The following ZNF69 variants were observed in gnomAD, a reference collection of about 807,000 sequenced individuals.
The protein encoded by ZNF69 is zinc finger protein 69, also known as ZNF3.
In ZNF69, 47 loss-of-function variants were observed where a neutral mutation model predicts 50.9. The ratio of observed to expected loss-of-function variants is 0.92; its 90% CI spans 0.73 to 1.18. ZNF69 has a LOEUF of 1.18. ZNF69 is among the 50% of genes most tolerant of loss of function. The pLI is 0.00. For synonymous variants in ZNF69, 216 were observed against 223.1 expected, an observed-to-expected ratio of 0.97 and a Z score of 0.29; for missense variants, 717 against 675.1, an observed-to-expected ratio of 1.06 and a Z score of -0.69.
At chr19:11,978,435 C>A in the ZNF69 span, 2 of 1,614,160 alleles carry the variant, frequency 1.2e-6, no homozygotes. Flanking sequence ...CGGAGAGAAA[C>A]CCTATGCTTG....
rs192197776 is a variant in ZNF69, at chr19:11,888,558, G to C, written c.63+572G>C. ...GGGAAAAACAACCCCAAGAAGCCTG[G>C]AGTAAGTGGTCCCGAGGCGGCTCAA... is the stretch of plus-strand genomic sequence containing the variant. On this transcript the variant is annotated intron_variant, in intron 1 of 3. Coordinates refer to ENST00000429654, the MANE Select transcript of ZNF69 (RefSeq NM_001364730.1). Among the ~76,000 whole-genome samples, 2 of 152,314 alleles carry C rather than the reference G, an allele frequency of 1.3e-5. 1 individual carries two copies. The highest frequency in any genetic ancestry group is 1.3e-4 in the Admixed American group (2 of 15,294).
the ZNF69 span, among the ~76,000 whole-genome samples, chr19:11,964,662 C>T: frequency 6.6e-6 from 1 of 152,142 alleles, no homozygotes; most frequent in South Asian, 2.1e-4. Flanking sequence ...GGCCTGGTCT[C>T]GGTTCCCCTG....
At chr19:11,919,647 C>T in the ZNF69 span, among the ~76,000 whole-genome samples, 9 of 152,192 alleles carry the variant, frequency 5.9e-5, no homozygotes, top group South Asian at 1.7e-3. Flanking sequence ...TATTTGGACA[C>T]GAACCCTTTA....
chr19:11,941,682 A>T, the ZNF69 span, among the ~76,000 whole-genome samples: 1 of 151,052 alleles, frequency 6.6e-6, no homozygotes, highest in African/African-American at 2.4e-5. Flanking sequence ...CTCTCCCTCC[A>T]CCCCTCCCTG....
At chr19:11,940,990 G>C in the ZNF69 span, among the ~76,000 whole-genome samples, 4 of 151,942 alleles carry the variant, frequency 2.6e-5, no homozygotes, top group African/African-American at 9.7e-5. Context: ...GATACAGAGT[G>C]CCGATTGGTG....
the ZNF69 span, among the ~76,000 whole-genome samples, chr19:11,962,926 C>T: frequency 9.0e-4 from 137 of 152,242 alleles, 1 homozygote; most frequent in East Asian, 0.023. Context: ...TTTCCATTGA[C>T]TGCAAGGAGG....
intron 1 of ZNF69, among the ~76,000 whole-genome samples, chr19:11,898,524 G>T (rs1972176910): frequency 6.6e-6 from 1 of 151,666 alleles, no homozygotes; most frequent in Admixed American, 6.6e-5. Flanking sequence ...CGGAGTAGCT[G>T]GGAATACAGG....
chr19:11,905,313 T>G lies in ZNF69; in HGVS notation c.916T>G (p.Cys306Gly), dbSNP rs771910127. Residue 306 changes from cysteine (C) to glycine (G), a missense_variant, in exon 4 of 4, where the codon TGT becomes GGT. Cys to Gly is a radical substitution (Grantham distance 159). Coordinates refer to ENST00000429654, the MANE Select transcript of ZNF69 (RefSeq NM_001364730.1). ...TCACACGGGAGAGAAGGCTTATCAATGTAAGGAATGTGGAAAAGCATTCAC... is the reference window on the plus strand; with the variant it reads ...TCACACGGGAGAGAAGGCTTATCAAGGTAAGGAATGTGGAAAAGCATTCAC... ...RIHTGEKAYQCKECGKAFTCP... is the reference protein window; with the variant it reads ...RIHTGEKAYQGKECGKAFTCP... The G allele has an allele frequency of 6.2e-7, 1 of 1,614,140 alleles. No individual in the cohort carries two copies. Among genetic ancestry groups the G allele is most frequent in the Non-Finnish European group, 8.5e-7 (1 of 1,180,016 alleles).
chr19:11,942,521 TA>T, the ZNF69 span, among the ~76,000 whole-genome samples: 1 of 152,168 alleles, frequency 6.6e-6, no homozygotes, highest in Admixed American at 6.6e-5. Context: ...GAAGTGGCTT[TA>T]TTCGGCCAGG....
chr19:11,926,759 C>T, the ZNF69 span: 4 of 154,270 alleles, frequency 2.6e-5, no homozygotes, highest in South Asian at 8.2e-4. Context: ...GGAGACAAAC[C>T]AGATAAATGC....
chr19:11,959,891 C>A, the ZNF69 span, among the ~76,000 whole-genome samples: 1 of 151,986 alleles, frequency 6.6e-6, no homozygotes, highest in Non-Finnish European at 1.5e-5. Flanking sequence ...TGTTGCCCAT[C>A]TACTCTTAAG....
At chr19:11,890,227 C>T (rs1352803281) in intron 1 of ZNF69, among the ~76,000 whole-genome samples, 1 of 152,190 alleles carries the variant, frequency 6.6e-6, no homozygotes, top group Non-Finnish European at 1.5e-5. Context: ...TCTTTCCTTT[C>T]CCACGAGGCC....
chr19:11,932,884 G>A, the ZNF69 span, among the ~76,000 whole-genome samples: 1 of 148,272 alleles, frequency 6.7e-6, no homozygotes, highest in Non-Finnish European at 1.5e-5. Context: ...TGATCCGCCT[G>A]CCTCAGCCTC....
chr19:11,891,391 AAAAG>A (rs746880542), intron 1 of ZNF69, among the ~76,000 whole-genome samples: 15 of 150,166 alleles, frequency 1.0e-4, no homozygotes, highest in Admixed American at 5.3e-4. Flanking sequence ...AAAAAAAAAG[AAAAG>A]AAAGAAAGGA....
chr19:11,971,997 G>A, the ZNF69 span, among the ~76,000 whole-genome samples: 1 of 151,544 alleles, frequency 6.6e-6, no homozygotes, highest in East Asian at 1.9e-4. Flanking sequence ...AGGAGACAGA[G>A]ATTGCAGTGA....
At chr19:11,927,141 T>A in the ZNF69 span, among the ~76,000 whole-genome samples, 1 of 152,152 alleles carries the variant, frequency 6.6e-6, no homozygotes, top group African/African-American at 2.4e-5. Context: ...TAACTTGAGG[T>A]CAGGAGTTCG....
chr19:11,951,125 T>TG, the ZNF69 span, among the ~76,000 whole-genome samples: 1 of 122,406 alleles, frequency 8.2e-6, no homozygotes, highest in East Asian at 2.4e-4. Context: ...CACTCCAGCC[T>TG]GGCAACAGAG....
the ZNF69 span, chr19:11,961,792 T>C: frequency 6.6e-6 from 1 of 151,912 alleles, no homozygotes; most frequent in Non-Finnish European, 1.5e-5. Flanking sequence ...ATTTTTGTAT[T>C]GTTAGTTAGA....
chr19:11,957,744 C>T, the ZNF69 span, among the ~76,000 whole-genome samples: 1 of 151,796 alleles, frequency 6.6e-6, no homozygotes, highest in Non-Finnish European at 1.5e-5. Flanking sequence ...AGTCTGGTGA[C>T]TGAGGCATGA....
Sources: gnomAD v4.1 joint callset for allele counts (sites outside exome capture counted in the v4.1 genomes callset) on GRCh38, gnomAD v4.1.1 for gene constraint, MANE v1.5 for transcripts, NCBI Gene and HGNC (gene_info 2026-07-23, HGNC 2026-07-21) for gene names.